Variants in SLC67A2 observed in about 807,000 individuals in gnomAD.
SLC67A2 encodes the protein solute carrier family 67 member 2, also known as solute carrier family 67 member A2.
the SLC67A2 span, chr2:102,723,876 G>C: frequency 6.2e-7 from 1 of 1,614,050 alleles, no homozygotes. Flanking sequence ...AGAAAGTAGA[G>C]CCCTTGAGAT....
the SLC67A2 span, among the ~76,000 whole-genome samples, chr2:102,724,837 T>C: frequency 1.3e-5 from 2 of 152,230 alleles, no homozygotes; most frequent in Non-Finnish European, 2.9e-5. Flanking sequence ...AGTAGTGTGG[T>C]TGTGTGCCTG....
At chr2:102,733,403 T>C in the SLC67A2 span, among the ~76,000 whole-genome samples, 7 of 152,216 alleles carry the variant, frequency 4.6e-5, no homozygotes, top group Non-Finnish European at 2.9e-5. Context: ...CCCTTCCCTG[T>C]CCTGGTAGCT....
the SLC67A2 span, among the ~76,000 whole-genome samples, chr2:102,730,039 T>C: frequency 3.9e-5 from 6 of 152,164 alleles, no homozygotes; most frequent in South Asian, 2.1e-4. Context: ...TGAGACTAAA[T>C]AGACTATTCT....
chr2:102,728,052 A>T, the SLC67A2 span, among the ~76,000 whole-genome samples: 5 of 152,250 alleles, frequency 3.3e-5, no homozygotes, highest in African/African-American at 1.2e-4. Context: ...GCAAGTAAGG[A>T]TGTTGAGCAA....
At chr2:102,717,935 T>C in the SLC67A2 span, 1 of 154,368 alleles carries the variant, frequency 6.5e-6, no homozygotes, top group African/African-American at 2.4e-5. Context: ...AGGATTTTGA[T>C]AGAAAACTCC....
chr2:102,726,933 C>T, the SLC67A2 span: 1 of 1,613,710 alleles, frequency 6.2e-7, no homozygotes, highest in African/African-American at 1.3e-5. Flanking sequence ...GAATGCATGC[C>T]AGCAAGGAAG....
the SLC67A2 span, chr2:102,736,729 T>A: frequency 6.2e-7 from 1 of 1,613,830 alleles, no homozygotes; most frequent in Non-Finnish European, 8.5e-7. Flanking sequence ...TCGGTTCCTG[T>A]CTTCTGCTCC....
the SLC67A2 span, among the ~76,000 whole-genome samples, chr2:102,727,974 C>G: frequency 1.3e-5 from 2 of 152,048 alleles, no homozygotes; most frequent in Admixed American, 1.3e-4. Context: ...ATTTCTGTCC[C>G]CTTAGAATTC....
chr2:102,723,973 C>T, the SLC67A2 span: 14 of 1,387,382 alleles, frequency 1.0e-5, no homozygotes, highest in South Asian at 2.4e-5. Flanking sequence ...TACTTATGAT[C>T]CTGTGCTTAA....
At chr2:102,736,072 T>C in the SLC67A2 span, among the ~76,000 whole-genome samples, 19 of 151,882 alleles carry the variant, frequency 1.3e-4, no homozygotes, top group African/African-American at 4.4e-4. Context: ...ACACACATCA[T>C]GATGAAACCA....
At chr2:102,718,511 C>G in the SLC67A2 span, 7 of 1,613,802 alleles carry the variant, frequency 4.3e-6, no homozygotes, top group East Asian at 1.6e-4. Context: ...TAACACAGCG[C>G]CCAGGCTGGG....
the SLC67A2 span, chr2:102,716,265 G>A: frequency 2.6e-5 from 4 of 151,990 alleles, no homozygotes; most frequent in South Asian, 4.2e-4. Flanking sequence ...AAAGTGCTAC[G>A]ATTTTTAAAA....
At chr2:102,718,605 C>T in the SLC67A2 span, 26 of 1,613,396 alleles carry the variant, frequency 1.6e-5, no homozygotes, top group Middle Eastern at 1.6e-4. Context: ...GACTGCCCCA[C>T]GCCAATAAGG....
the SLC67A2 span, chr2:102,732,162 G>T: frequency 1.4e-6 from 1 of 740,620 alleles, no homozygotes; most frequent in Non-Finnish European, 2.4e-6. Context: ...AATTGCATTT[G>T]CTATAGGGTA....
the SLC67A2 span, chr2:102,718,314 A>G: frequency 9.4e-6 from 13 of 1,385,324 alleles, no homozygotes; most frequent in East Asian, 3.0e-4. Flanking sequence ...CCACCCGGAA[A>G]TATTTCCCTT....
chr2:102,732,566 C>T, the SLC67A2 span: 1 of 598,020 alleles, frequency 1.7e-6, no homozygotes. Context: ...AAATCCGCTG[C>T]CACTTGCAAA....
At chr2:102,736,717 C>T in the SLC67A2 span, 17 of 1,613,804 alleles carry the variant, frequency 1.1e-5, 1 homozygote, top group South Asian at 1.9e-4. Context: ...GCAGCCTCCG[C>T]CTCGGTTCCT....
At chr2:102,733,819 A>T in the SLC67A2 span, among the ~76,000 whole-genome samples, 1 of 152,106 alleles carries the variant, frequency 6.6e-6, no homozygotes, top group Non-Finnish European at 1.5e-5. Context: ...AGAGATGGAG[A>T]GAAATATTTA....
At chr2:102,723,945 T>C in the SLC67A2 span, 1 of 1,541,448 alleles carries the variant, frequency 6.5e-7, no homozygotes, top group East Asian at 2.2e-5. Flanking sequence ...TGTAACTTTT[T>C]CCAGACCATA....
Sources: allele counts gnomAD v4.1 joint callset (sites outside exome capture counted in the v4.1 genomes callset), GRCh38; gene constraint gnomAD v4.1.1; transcripts MANE v1.5; gene names NCBI Gene and HGNC (gene_info 2026-07-23, HGNC 2026-07-21).